The following CTNNA3 variants were observed in gnomAD, a reference collection of about 807,000 sequenced individuals.
CTNNA3 encodes catenin alpha-3.
Under a neutral mutation model 95.7 loss-of-function variants are expected in CTNNA3, and 76 were observed. The ratio of observed to expected loss-of-function variants is 0.79; its 90% CI spans 0.66 to 0.96. CTNNA3 has a LOEUF of 0.96. Among genes scored for constraint, CTNNA3 ranks in the 40% least tolerant of loss-of-function variants. The pLI, the probability that CTNNA3 is intolerant of heterozygous loss-of-function variation, is 0.00. For synonymous variants in CTNNA3, 431 were observed against 374.4 expected (o/e 1.15, Z -1.74); for missense variants, 1,191 against 1,089.8 (o/e 1.09, Z -1.31).
intron 13 of CTNNA3, among the ~76,000 whole-genome samples, chr10:66,201,788 T>C (rs978131980): frequency 6.6e-5 from 9 of 137,378 alleles, no homozygotes; most frequent in South Asian, 2.3e-4. Flanking sequence ...TTTTTCTTTT[T>C]TTTTTTTTTT....
chr10:66,093,306 T>C (rs575168735), intron 14 of CTNNA3, among the ~76,000 whole-genome samples: 2 of 152,196 alleles, frequency 1.3e-5, no homozygotes, highest in African/African-American at 4.8e-5. Flanking sequence ...TGGATAGAGA[T>C]AGAGCCTAGT....
At position 66,717,555 on chromosome 10, in the gene CTNNA3, A is replaced by G. The variant is rs191895426; in HGVS notation, c.1281+48709T>C. Among the ~76,000 whole-genome samples, 5 of 152,240 alleles carry G rather than the reference A, an allele frequency of 3.3e-5. No individual in the cohort carries two copies. The East Asian group carries it at 5.8e-4, about 18-fold the overall frequency. On this transcript the variant is annotated intron_variant, in intron 9 of 17. Coordinates refer to ENST00000433211, the MANE Select transcript of CTNNA3 (RefSeq NM_013266.4). Reference sequence around the variant, plus strand: ...TGTCAAAGGTTAGAGAATCAAAATTAACACATTACCTGGATAAGCTGGCAT... The same window carrying G: ...TGTCAAAGGTTAGAGAATCAAAATTGACACATTACCTGGATAAGCTGGCAT...
intron 7 of CTNNA3, among the ~76,000 whole-genome samples, chr10:66,847,357 C>T (rs1843317682): frequency 6.6e-6 from 1 of 152,110 alleles, no homozygotes; most frequent in East Asian, 1.9e-4. Context: ...ATACAGAAAA[C>T]ATGGTGACCA....
intron 13 of CTNNA3, among the ~76,000 whole-genome samples, chr10:66,212,212 A>T (rs1195306305): frequency 6.6e-6 from 1 of 150,776 alleles, no homozygotes; most frequent in Non-Finnish European, 1.5e-5. Flanking sequence ...CTGATCTCAA[A>T]CTCCTGACCT....
At chr10:66,590,013 G>T (rs1843494305) in intron 10 of CTNNA3, among the ~76,000 whole-genome samples, 1 of 151,644 alleles carries the variant, frequency 6.6e-6, no homozygotes, top group African/African-American at 2.4e-5. Flanking sequence ...AAGATTTTTT[G>T]AAAAAAAGTT....
chr10:67,103,792 T>C (rs559868495), intron 7 of CTNNA3, among the ~76,000 whole-genome samples: 19 of 151,822 alleles, frequency 1.3e-4, no homozygotes, highest in African/African-American at 4.6e-4. Flanking sequence ...CAGAATAAAT[T>C]CTTATTCTGA....
At chr10:67,114,036 T>C (rs142080043) in intron 7 of CTNNA3, among the ~76,000 whole-genome samples, 30 of 149,996 alleles carry the variant, frequency 2.0e-4, no homozygotes, top group African/African-American at 7.1e-4. Context: ...TGAGCTATGA[T>C]CACACCACCG....
intron 9 of CTNNA3, among the ~76,000 whole-genome samples, chr10:66,736,586 AT>A (rs1411403461): frequency 6.6e-6 from 1 of 152,106 alleles, no homozygotes; most frequent in Non-Finnish European, 1.5e-5. Context: ...TAAGGCTAAA[AT>A]TATGCCACTG....
rs2089460658 is a variant in CTNNA3 at position 66,229,078 on chromosome 10, AATCT to A, written c.1884+51388_1884+51391del. 3.3e-5 allele frequency among the ~76,000 whole-genome samples: 5 copies of A among 152,094 alleles called. No homozygotes were observed. In the South Asian group the frequency reaches 1.0e-3, roughly 32 times the overall value. Reference sequence around the variant, plus strand: ...AGCATATAGTTAGGTCAATTTTTTAAATCTATATAGCCCAGTCAGCAAAACTTTT... The same window carrying A: ...AGCATATAGTTAGGTCAATTTTTTAAATATAGCCCAGTCAGCAAAACTTTT... On this transcript the variant is annotated intron_variant, in intron 13 of 17. Coordinates refer to ENST00000433211, the MANE Select transcript of CTNNA3 (RefSeq NM_013266.4).
intron 13 of CTNNA3, among the ~76,000 whole-genome samples, chr10:66,114,951 T>A (rs1367832244): frequency 6.6e-6 from 1 of 151,870 alleles, no homozygotes; most frequent in East Asian, 1.9e-4. Context: ...CTATGGGTTG[T>A]AGAATATTAT....
At chr10:66,467,246 C>T (rs1046392651) in intron 11 of CTNNA3, among the ~76,000 whole-genome samples, 1 of 152,022 alleles carries the variant, frequency 6.6e-6, no homozygotes, top group Non-Finnish European at 1.5e-5. Context: ...GGTGTGCATT[C>T]ATGCACTGAC....
Position 67,416,551 on chromosome 10 carries a change from T to C in CTNNA3, c.579+105291A>G, listed in dbSNP as rs1228815923. On this transcript the variant is annotated intron_variant, in intron 5 of 17. Coordinates refer to ENST00000433211, the MANE Select transcript of CTNNA3 (RefSeq NM_013266.4). ...TGAACCCGGGGGGCGGAGCTTGCAG[T>C]GAGCCGAGATCGCGCCACTGCACTC... 4.5e-5 allele frequency among the ~76,000 whole-genome samples: 6 copies of C among 133,440 alleles called. No individual in the cohort carries two copies. In the East Asian group the frequency reaches 1.3e-3, roughly 29 times the overall value. The allele number at this position is 133,440 out of a possible 152,430, so 87.5% of individuals were successfully genotyped here.
At chr10:66,715,695 T>G (rs552471705) in intron 9 of CTNNA3, among the ~76,000 whole-genome samples, 1 of 152,192 alleles carries the variant, frequency 6.6e-6, no homozygotes, top group South Asian at 2.1e-4. Flanking sequence ...GATAGCAATG[T>G]TTAGGTAAGT....
chr10:67,495,418 TAG>T (rs1211914656), intron 5 of CTNNA3, among the ~76,000 whole-genome samples: 3 of 152,178 alleles, frequency 2.0e-5, no homozygotes, highest in Non-Finnish European at 2.9e-5. Context: ...AAGCATTTTT[TAG>T]AGTCATAGGT....
intron 12 of CTNNA3, among the ~76,000 whole-genome samples, chr10:66,360,841 CTTT>C (rs753876965): frequency 2.5e-4 from 29 of 114,566 alleles, no homozygotes; most frequent in South Asian, 2.0e-3. Flanking sequence ...TTCTTTCTTT[CTTT>C]CTTTCTTTCT....
chr10:65,935,895 C>T (rs981445980), intron 17 of CTNNA3, among the ~76,000 whole-genome samples: 6 of 151,926 alleles, frequency 3.9e-5, no homozygotes, highest in Admixed American at 2.0e-4. Flanking sequence ...TATAGGGCAG[C>T]GTTTATGAAT....
chr10:66,868,801 G>A (rs12265531), intron 7 of CTNNA3, among the ~76,000 whole-genome samples: 22,115 of 151,366 alleles, frequency 0.15, 2,080 homozygotes, highest in African/African-American at 0.26. Flanking sequence ...AAAACTTACT[G>A]TGAGCATAGA....
At chr10:67,117,439 T>C (rs1259690429) in intron 7 of CTNNA3, among the ~76,000 whole-genome samples, 1 of 151,802 alleles carries the variant, frequency 6.6e-6, no homozygotes, top group Non-Finnish European at 1.5e-5. Context: ...CATTGAGGAG[T>C]TGGGACTCAC....
At chr10:66,038,657 G>T (rs902308178) in intron 15 of CTNNA3, among the ~76,000 whole-genome samples, 1 of 152,102 alleles carries the variant, frequency 6.6e-6, no homozygotes, top group East Asian at 1.9e-4. Context: ...CAAAATTATA[G>T]CACACTTTAA....
Sources: gnomAD v4.1 joint callset for allele counts (sites outside exome capture counted in the v4.1 genomes callset) on GRCh38, gnomAD v4.1.1 for gene constraint, MANE v1.5 for transcripts, NCBI Gene and HGNC (gene_info 2026-07-23, HGNC 2026-07-21) for gene names.